Variants in CTNND2 observed in about 807,000 individuals in gnomAD.
The protein encoded by CTNND2 is catenin delta-2.
In CTNND2, 22 loss-of-function variants were observed where a neutral mutation model predicts 144.4. The observed-to-expected ratio is 0.15, with a 90% CI of 0.11 to 0.22. CTNND2 has a LOEUF of 0.22. Among genes scored for constraint, CTNND2 ranks in the 10% least tolerant of loss-of-function variants. The pLI is 1.00. For synonymous variants in CTNND2, 751 were observed against 695.6 expected (o/e 1.08, Z -1.25); for missense variants, 1,353 against 1,618.8 (o/e 0.84, Z 2.82).
At chr5:11,149,720 G>A (rs1280105461) in intron 12 of CTNND2, among the ~76,000 whole-genome samples, 1 of 152,084 alleles carries the variant, frequency 6.6e-6, no homozygotes, top group Non-Finnish European at 1.5e-5. Flanking sequence ...GAAAATGAGT[G>A]TATGACACAG....
rs936276874 is a variant in CTNND2, at chr5:11,101,743, C to T, written c.2464-2995G>A. Among the ~76,000 whole-genome samples the T allele has an allele frequency of 1.2e-4, 18 of 152,216 alleles. No individual in the cohort carries two copies. The South Asian group carries it at 3.1e-3, about 26-fold the overall frequency. On this transcript the variant is annotated intron_variant, in intron 14 of 21. Coordinates refer to ENST00000304623, the MANE Select transcript of CTNND2 (RefSeq NM_001332.4). The stretch of plus-strand genomic sequence containing the variant: ...AAGAGCTTGAAATATGCAAAGAATA[C>T]ATAAAGAAGTAAAATGTCATCAAGT...
chr5:11,219,032 T>C (rs1739512001), intron 10 of CTNND2, among the ~76,000 whole-genome samples: 2 of 152,190 alleles, frequency 1.3e-5, no homozygotes, highest in African/African-American at 4.8e-5. Flanking sequence ...ACCATTCCTT[T>C]CTCTCTCTGA....
At chr5:11,374,681 C>T (rs918080185) in intron 7 of CTNND2, among the ~76,000 whole-genome samples, 2 of 151,562 alleles carry the variant, frequency 1.3e-5, no homozygotes, top group African/African-American at 4.8e-5. Flanking sequence ...AATATTCCAA[C>T]AGTGCATCTG....
chr5:11,053,589 G>A (rs1746062882), intron 16 of CTNND2, among the ~76,000 whole-genome samples: 1 of 152,194 alleles, frequency 6.6e-6, no homozygotes, highest in Non-Finnish European at 1.5e-5. Context: ...GAAGATACAA[G>A]CTCATGGAAG....
intron 2 of CTNND2, among the ~76,000 whole-genome samples, chr5:11,683,673 T>G (rs1435933052): frequency 2.0e-5 from 3 of 152,244 alleles, no homozygotes; most frequent in African/African-American, 4.8e-5. Context: ...CTTCTTGAAC[T>G]TTTAAGTGAA....
At chr5:11,817,741 C>G (rs1793070442) in intron 1 of CTNND2, among the ~76,000 whole-genome samples, 1 of 152,002 alleles carries the variant, frequency 6.6e-6, no homozygotes, top group African/African-American at 2.4e-5. Context: ...TGCGAGTCCA[C>G]TCACAAAGTG....
chr5:11,485,032 T>A (rs1162833622), intron 3 of CTNND2, among the ~76,000 whole-genome samples: 1 of 151,904 alleles, frequency 6.6e-6, no homozygotes, highest in East Asian at 1.9e-4. Context: ...AGAACAAATT[T>A]TCAAAAAAAA....
intron 3 of CTNND2, among the ~76,000 whole-genome samples, chr5:11,520,606 G>A (rs1233311944): frequency 2.0e-5 from 3 of 152,202 alleles, no homozygotes; most frequent in Non-Finnish European, 2.9e-5. Context: ...TGTCACCCAT[G>A]AGACACGCCC....
chr5:11,166,816 C>T (rs1759384403), intron 11 of CTNND2, among the ~76,000 whole-genome samples: 1 of 152,070 alleles, frequency 6.6e-6, no homozygotes, highest in Non-Finnish European at 1.5e-5. Context: ...AAGCAATAAC[C>T]CTCTGGAGTG....
chr5:11,834,389 G>A (rs1410487873), intron 1 of CTNND2, among the ~76,000 whole-genome samples: 3 of 151,960 alleles, frequency 2.0e-5, no homozygotes, highest in Non-Finnish European at 4.4e-5. Context: ...GCCAAAACAA[G>A]TAATTGAACA....
At chr5:11,178,540 T>A (rs1469452227) in intron 11 of CTNND2, among the ~76,000 whole-genome samples, 3 of 152,214 alleles carry the variant, frequency 2.0e-5, no homozygotes, top group Non-Finnish European at 4.4e-5. Flanking sequence ...GGAAAACCTG[T>A]GATATGAGTC....
intron 11 of CTNND2, among the ~76,000 whole-genome samples, chr5:11,174,335 T>A (rs1369887955): frequency 1.3e-5 from 2 of 152,100 alleles, no homozygotes; most frequent in Non-Finnish European, 2.9e-5. Flanking sequence ...AATAAAGGGT[T>A]CAAATTAAGA....
At chr5:11,446,437 G>A (rs1355934577) in intron 3 of CTNND2, among the ~76,000 whole-genome samples, 1 of 152,206 alleles carries the variant, frequency 6.6e-6, no homozygotes, top group African/African-American at 2.4e-5. Context: ...TGGCATGTGG[G>A]TAGGGCTGTT....
At chr5:11,411,395 C>T (rs895535419) in intron 5 of CTNND2, 141 bp downstream of exon 5, 17 of 602,236 alleles carry the variant, frequency 2.8e-5, no homozygotes, top group Admixed American at 5.8e-5. Flanking sequence ...ACAGATGGGA[C>T]GGAGTGAAAT....
chr5:11,285,683 A>G (rs1747650630), intron 9 of CTNND2, among the ~76,000 whole-genome samples: 1 of 152,144 alleles, frequency 6.6e-6, no homozygotes, highest in Non-Finnish European at 1.5e-5. Flanking sequence ...GGGTACAGGG[A>G]GCCTGAGATA....
chr5:11,709,156 G>A (rs1487903609), intron 2 of CTNND2, among the ~76,000 whole-genome samples: 1 of 152,180 alleles, frequency 6.6e-6, no homozygotes, highest in Non-Finnish European at 1.5e-5. Context: ...TCAGAGCTAT[G>A]CCTGTGACAC....
intron 11 of CTNND2, among the ~76,000 whole-genome samples, chr5:11,186,406 T>C (rs192986258): frequency 2.2e-4 from 34 of 152,296 alleles, no homozygotes; most frequent in African/African-American, 7.5e-4. Context: ...TACAGGAAAT[T>C]TCTTCTATAT....
intron 14 of CTNND2, among the ~76,000 whole-genome samples, chr5:11,107,799 C>T (rs575796001): frequency 4.7e-4 from 71 of 152,234 alleles, no homozygotes; most frequent in Middle Eastern, 3.4e-3. Context: ...CTGCGGAAGA[C>T]GCTTGGCTCA....
chr5:11,224,201 G>A (rs1330058458), intron 10 of CTNND2, among the ~76,000 whole-genome samples: 2 of 152,254 alleles, frequency 1.3e-5, no homozygotes, highest in East Asian at 3.9e-4. Context: ...CTCCTCCACT[G>A]AGGATGACTC....
Sources: gnomAD v4.1 joint callset for allele counts (sites outside exome capture counted in the v4.1 genomes callset) on GRCh38, gnomAD v4.1.1 for gene constraint, MANE v1.5 for transcripts, NCBI Gene and HGNC (gene_info 2026-07-23, HGNC 2026-07-21) for gene names.